Variants in SLC35F3 observed in about 807,000 individuals in gnomAD.
SLC35F3 encodes putative thiamine transporter SLC35F3.
A neutral mutation model predicts 49.9 loss-of-function variants in SLC35F3; 25 were observed. The observed-to-expected ratio is 0.50, with a 90% CI of 0.37 to 0.70. The LOEUF (loss-of-function observed/expected upper bound fraction) is 0.70. Ranked by LOEUF, SLC35F3 falls within the 30% of genes least tolerant of loss-of-function variation. SLC35F3 has a pLI of 0.00. For missense variants in SLC35F3, 525 were observed against 639.8 expected, an observed-to-expected ratio of 0.82 and a Z score of 1.94; for synonymous variants, 275 against 265.4, an observed-to-expected ratio of 1.04 and a Z score of -0.35.
intron 2 of SLC35F3, chr1:234,213,149 C>G (rs1667066572): frequency 1.3e-5 from 2 of 152,188 alleles, no homozygotes; most frequent in Admixed American, 6.5e-5. Flanking sequence ...CTGGTAGGTG[C>G]TGAGCTAGGA....
chr1:234,024,267 T>C (rs1304487572), intron 2 of SLC35F3, among the ~76,000 whole-genome samples: 1 of 150,158 alleles, frequency 6.7e-6, no homozygotes, highest in Non-Finnish European at 1.5e-5. Flanking sequence ...ATAATTCAGT[T>C]TGGCTGGAGC....
chr1:234,090,590 G>A (rs1665028391), intron 2 of SLC35F3, among the ~76,000 whole-genome samples: 1 of 152,210 alleles, frequency 6.6e-6, no homozygotes, highest in Non-Finnish European at 1.5e-5. Context: ...GGTAATCAGG[G>A]TTTCTGTGCA....
At position 234,214,992 on chromosome 1, in the gene SLC35F3, C is replaced by T. The variant is rs1667100267; in HGVS notation, c.284-16425C>T. 1 of 163,334 alleles carries T rather than the reference C, an allele frequency of 6.1e-6. No homozygotes were observed. Among genetic ancestry groups the T allele is most frequent in the African/African-American group, 2.4e-5 (1 of 41,798 alleles). The allele number at this position is 163,334 out of a possible 1,614,324, so 10.1% of individuals were successfully genotyped here. The stretch of plus-strand genomic sequence containing the variant: ...GGGTGTGGAGCTCTGTGCCTCACCC[C>T]CAGGCCGACCAAAGGTGCTGCCCGC... On this transcript the variant is annotated intron_variant, in intron 2 of 7. Coordinates refer to ENST00000366618, the MANE Select transcript of SLC35F3 (RefSeq NM_173508.4). This position sits in a 1 kb window ranked among gnomAD's most constrained non-coding sequence, Gnocchi z 8.0.
chr1:234,234,998 T>C (rs1486011306), intron 3 of SLC35F3, among the ~76,000 whole-genome samples: 2 of 152,130 alleles, frequency 1.3e-5, no homozygotes, highest in East Asian at 1.9e-4. Flanking sequence ...TGGTGGCCAA[T>C]TTAAACTACG....
At chr1:234,223,912 C>A (rs948100074) in intron 2 of SLC35F3, among the ~76,000 whole-genome samples, 7 of 152,150 alleles carry the variant, frequency 4.6e-5, no homozygotes, top group African/African-American at 1.7e-4. Flanking sequence ...CCTTCTGTGT[C>A]CTCACATGAC....
At chr1:234,028,444 G>T (rs185864845) in intron 2 of SLC35F3, among the ~76,000 whole-genome samples, 32 of 152,300 alleles carry the variant, frequency 2.1e-4, no homozygotes, top group African/African-American at 7.2e-4. Flanking sequence ...CTGAATGCCC[G>T]CATGGCCTCA....
At chr1:234,254,812 A>T (rs2102965247) in intron 3 of SLC35F3, among the ~76,000 whole-genome samples, 1 of 152,356 alleles carries the variant, frequency 6.6e-6, no homozygotes, top group South Asian at 2.1e-4. Context: ...AGAAGCAAGC[A>T]TAATTTCTTT....
intron 3 of SLC35F3, among the ~76,000 whole-genome samples, chr1:234,255,814 G>A (rs2102965722): frequency 6.6e-6 from 1 of 152,274 alleles, no homozygotes; most frequent in South Asian, 2.1e-4. Flanking sequence ...AAAACACTTA[G>A]AGCAGTGAAA....
chr1:234,322,193 CAAA>C (rs35591525), intron 7 of SLC35F3, among the ~76,000 whole-genome samples: 5 of 116,506 alleles, frequency 4.3e-5, no homozygotes, highest in Admixed American at 8.4e-5. Context: ...GACCCTGTCT[CAAA>C]AAAAAAAAAA....
At position 234,214,763 on chromosome 1, in the gene SLC35F3, C is replaced by A; in HGVS notation, c.284-16654C>A. ...GCAGCTTCAGGGGCTGCCCTGAGCT[C>A]CCTGGCGAGCAGGAGTGAGCTGCTG... is the stretch of plus-strand genomic sequence containing the variant. On this transcript the variant is annotated intron_variant, in intron 2 of 7. Transcript: ENST00000366618. This position sits in a 1 kb window ranked among gnomAD's most constrained non-coding sequence, Gnocchi z 8.0. The A allele has an allele frequency of 4.1e-6, 3 of 732,068 alleles. No individual in the cohort carries two copies. Among genetic ancestry groups the A allele is most frequent in the Non-Finnish European group, 6.0e-6 (3 of 498,156 alleles). 45.3% of individuals were successfully genotyped at this position (732,068 alleles called of 1,614,324 possible).
Position 234,318,881 on chromosome 1 carries a change from A to G in SLC35F3, c.1085A>G (p.Tyr362Cys). 1 of 1,614,184 alleles carries G rather than the reference A, an allele frequency of 6.2e-7. No homozygotes were observed. The highest frequency in any genetic ancestry group is 8.5e-7 in the Non-Finnish European group (1 of 1,180,028). Residue 362 changes from tyrosine to cysteine, a missense_variant, in exon 6 of 8, where the codon TAC becomes TGC. Physicochemically the swap from Tyr to Cys is radical, Grantham distance 194. This residue lies in a region of SLC35F3 where 216 missense variants were observed against 298.1 expected (regional missense o/e 0.72). Coordinates refer to ENST00000366618, the MANE Select transcript of SLC35F3 (RefSeq NM_173508.4). ...ATCCTCTACTTTACCAAAGTGGAAT[A>G]CTGGAGCTCTTTTGATGACATTCCA... ...PIILYFTKVEYWSSFDDIPWG... is the reference protein window; with the variant it reads ...PIILYFTKVECWSSFDDIPWG...
At chr1:234,178,461 GAA>G (rs35770557) in intron 2 of SLC35F3, among the ~76,000 whole-genome samples, 245 of 140,930 alleles carry the variant, frequency 1.7e-3, no homozygotes, top group African/African-American at 3.2e-3. Flanking sequence ...CTCTCCTAAG[GAA>G]AAAAAAAAAA....
At chr1:234,153,843 G>A (rs1219946680) in intron 2 of SLC35F3, among the ~76,000 whole-genome samples, 1 of 152,104 alleles carries the variant, frequency 6.6e-6, no homozygotes, top group Admixed American at 6.5e-5. Context: ...GGAGGCTGAG[G>A]CGGGCGGATC....
chr1:234,079,387 G>A (rs928933396), intron 2 of SLC35F3, among the ~76,000 whole-genome samples: 2 of 152,050 alleles, frequency 1.3e-5, no homozygotes, highest in Non-Finnish European at 2.9e-5. Context: ...TTTAGATTAG[G>A]CATCAATTTC....
chr1:234,244,633 G>T (rs1364605767), intron 3 of SLC35F3, among the ~76,000 whole-genome samples: 167 of 135,962 alleles, frequency 1.2e-3, no homozygotes, highest in Middle Eastern at 3.8e-3. Context: ...TTTTTTTTTT[G>T]GAAATTAGTC....
At chr1:234,041,674 C>A (rs909574330) in intron 2 of SLC35F3, among the ~76,000 whole-genome samples, 7 of 152,100 alleles carry the variant, frequency 4.6e-5, no homozygotes, top group Admixed American at 2.0e-4. Context: ...CATTTTATAA[C>A]AAAGATTCTG....
At chr1:234,108,294 A>T (rs374346301) in intron 2 of SLC35F3, among the ~76,000 whole-genome samples, 17 of 98,856 alleles carry the variant, frequency 1.7e-4, no homozygotes, top group East Asian at 9.1e-4. Flanking sequence ...TTTATATATA[A>T]AGATATATAT....
chr1:233,906,465 A>G (rs1018620236), intron 2 of SLC35F3, among the ~76,000 whole-genome samples: 2 of 152,282 alleles, frequency 1.3e-5, no homozygotes, highest in Non-Finnish European at 2.9e-5. Flanking sequence ...AATTTGGTGG[A>G]CATTTCTTTT....
chr1:233,999,437 G>C (rs1170445540), intron 2 of SLC35F3, among the ~76,000 whole-genome samples: 1 of 152,062 alleles, frequency 6.6e-6, no homozygotes, highest in African/African-American at 2.4e-5. Flanking sequence ...ATCTTCCAAG[G>C]GCTCCTTATT....
Sources: allele counts gnomAD v4.1 joint callset (sites outside exome capture counted in the v4.1 genomes callset), GRCh38; gene constraint gnomAD v4.1.1; regional missense constraint gnomAD v4.1.1; non-coding constraint Gnocchi (gnomAD v3.1); transcripts MANE v1.5; gene names NCBI Gene and HGNC (gene_info 2026-07-23, HGNC 2026-07-21).